Variants in TMTC2 observed in about 807,000 individuals in gnomAD.
TMTC2 encodes protein O-mannosyl-transferase TMTC2.
A neutral mutation model predicts 82.4 loss-of-function variants in TMTC2; 43 were observed. The ratio of observed to expected loss-of-function variants is 0.52; its 90% CI spans 0.41 to 0.67. TMTC2 has a LOEUF of 0.67. Ranked by LOEUF, TMTC2 falls within the 30% of genes least tolerant of loss-of-function variation. The pLI is 0.00. For synonymous variants in TMTC2, 408 were observed against 381.9 expected (o/e 1.07, Z -0.80); for missense variants, 919 against 1,012.4 (o/e 0.91, Z 1.25).
At chr12:82,942,106 C>T (rs1876755552) in intron 4 of TMTC2, among the ~76,000 whole-genome samples, 2 of 152,160 alleles carry the variant, frequency 1.3e-5, no homozygotes, top group African/African-American at 4.8e-5. Flanking sequence ...TCTTTTCTTT[C>T]TTCCTACCAA....
chr12:82,771,297 A>C (rs556804710), intron 1 of TMTC2, among the ~76,000 whole-genome samples: 34 of 152,088 alleles, frequency 2.2e-4, no homozygotes, highest in African/African-American at 8.2e-4. Context: ...AGTACCTTGC[A>C]GTATCTTACC....
chr12:82,856,986 T>A (rs959228290), intron 1 of TMTC2, 24 bp from the exon 2 acceptor site: 5 of 1,579,166 alleles, frequency 3.2e-6, no homozygotes, highest in Non-Finnish European at 4.3e-6. Flanking sequence ...TACATTTGAT[T>A]TTTTTTAACG....
chr12:82,809,383 TTCCTTGAC>T (rs1002972383), intron 1 of TMTC2, among the ~76,000 whole-genome samples: 18 of 152,134 alleles, frequency 1.2e-4, no homozygotes, highest in Non-Finnish European at 2.1e-4. Context: ...TGTAGCCAAT[TTCCTTGAC>T]TATACAGAAG....
At chr12:82,872,017 G>GCA (rs1872218343) in intron 2 of TMTC2, among the ~76,000 whole-genome samples, 1 of 71,332 alleles carries the variant, frequency 1.4e-5, no homozygotes, top group African/African-American at 4.7e-5. Context: ...CCCCCCCCCC[G>GCA]CCCACACCCC....
intron 2 of TMTC2, among the ~76,000 whole-genome samples, chr12:82,867,903 G>C (rs1036807334): frequency 1.3e-5 from 2 of 152,136 alleles, no homozygotes; most frequent in African/African-American, 4.8e-5. Context: ...TTGGTATTTG[G>C]CTAATCTTTT....
intron 11 of TMTC2, among the ~76,000 whole-genome samples, chr12:83,119,488 T>C (rs1884879261): frequency 6.6e-6 from 1 of 152,186 alleles, no homozygotes; most frequent in Admixed American, 6.5e-5. Context: ...CCAGTTCTAT[T>C]CCACTGTGGT....
At chr12:82,906,197 C>A (rs1367801615) in intron 3 of TMTC2, among the ~76,000 whole-genome samples, 1 of 152,002 alleles carries the variant, frequency 6.6e-6, no homozygotes. Context: ...ATAGTCTAAG[C>A]TTTTGTTTAC....
In TMTC2 at chr12:82,687,526, T is replaced by A. The variant is rs1872374372; in HGVS notation, c.-61T>A. On this transcript the variant is annotated 5_prime_UTR_variant, in exon 1 of 12. Coordinates refer to ENST00000321196, the MANE Select transcript of TMTC2 (RefSeq NM_152588.3). The stretch of plus-strand genomic sequence containing the variant: ...CGGAAGGTGGAGATTGATGCTTCTG[T>A]TTTTTGTTGCCGCTGCTGCCCTCGC... 6.6e-7 allele frequency: 1 copy of A among 1,517,900 alleles called. No individual in the cohort carries two copies. Among genetic ancestry groups the A allele is most frequent in the Non-Finnish European group, 9.0e-7 (1 of 1,112,798 alleles). The allele number at this position is 1,517,900 out of a possible 1,614,324, so 94.0% of individuals were successfully genotyped here.
At chr12:82,824,186 G>T in intron 1 of TMTC2, among the ~76,000 whole-genome samples, 1 of 152,252 alleles carries the variant, frequency 6.6e-6, no homozygotes, top group Admixed American at 6.5e-5. Flanking sequence ...GGGCCACCGC[G>T]CCTGGCCTAT....
At chr12:82,703,003 T>C (rs1873154532) in intron 1 of TMTC2, among the ~76,000 whole-genome samples, 1 of 151,338 alleles carries the variant, frequency 6.6e-6, no homozygotes, top group South Asian at 2.1e-4. Context: ...CAGAGTGAGA[T>C]TCTGTCTCAA....
intron 10 of TMTC2, among the ~76,000 whole-genome samples, chr12:83,060,149 T>G (rs1882688215): frequency 1.3e-5 from 2 of 151,916 alleles, no homozygotes; most frequent in South Asian, 4.1e-4. Flanking sequence ...GAATATAAAT[T>G]GCAACAGCAC....
intron 1 of TMTC2, among the ~76,000 whole-genome samples, chr12:82,810,587 G>A (rs1478745726): frequency 1.3e-5 from 2 of 152,012 alleles, no homozygotes; most frequent in Admixed American, 6.5e-5. Context: ...TTATAAAACA[G>A]AAATTAACTG....
intron 8 of TMTC2, among the ~76,000 whole-genome samples, chr12:83,009,761 G>A (rs532777410): frequency 6.6e-6 from 1 of 152,130 alleles, no homozygotes; most frequent in African/African-American, 2.4e-5. Context: ...ATCCTTTTTG[G>A]CACCAGGGAC....
chr12:83,032,276 T>C (rs1314791148), intron 9 of TMTC2, among the ~76,000 whole-genome samples: 1 of 111,008 alleles, frequency 9.0e-6, no homozygotes, highest in African/African-American at 3.1e-5. Flanking sequence ...TATATATATA[T>C]ATATATATAT....
intron 1 of TMTC2, among the ~76,000 whole-genome samples, chr12:82,798,582 G>T (rs1878841426): frequency 6.6e-6 from 1 of 151,662 alleles, no homozygotes; most frequent in African/African-American, 2.4e-5. Context: ...GAGGTGGTTG[G>T]ATCACTTGAG....
chr12:82,836,351 T>C (rs778394676), intron 1 of TMTC2, among the ~76,000 whole-genome samples: 3 of 152,208 alleles, frequency 2.0e-5, no homozygotes, highest in Admixed American at 2.0e-4. Context: ...AATATTATCC[T>C]GGATTATCTG....
chr12:82,933,558 G>T (rs1346621685), intron 4 of TMTC2, among the ~76,000 whole-genome samples: 2 of 152,262 alleles, frequency 1.3e-5, no homozygotes, highest in African/African-American at 2.4e-5. Context: ...CACATAACGT[G>T]ATAATACCCC....
At chr12:82,799,704 T>A (rs2137034091) in intron 1 of TMTC2, among the ~76,000 whole-genome samples, 1 of 152,238 alleles carries the variant, frequency 6.6e-6, no homozygotes, top group East Asian at 1.9e-4. Flanking sequence ...CACATAGTAT[T>A]CTCTCTGCAT....
At chr12:82,814,298 A>G (rs1868562980) in intron 1 of TMTC2, among the ~76,000 whole-genome samples, 1 of 152,174 alleles carries the variant, frequency 6.6e-6, no homozygotes, top group Admixed American at 6.5e-5. Flanking sequence ...AAGGGGAACT[A>G]TCCATTCAAA....
Sources: gnomAD v4.1 joint callset for allele counts (sites outside exome capture counted in the v4.1 genomes callset) on GRCh38, gnomAD v4.1.1 for gene constraint, MANE v1.5 for transcripts, NCBI Gene and HGNC (gene_info 2026-07-23, HGNC 2026-07-21) for gene names.